KIRREL2: variants seen among roughly 807,000 people sequenced by gnomAD.
KIRREL2 encodes the protein kirre like nephrin family adhesion molecule 2.
KIRREL2 carries 56 observed loss-of-function variants against 73.4 expected under a neutral mutation model. The ratio of observed to expected loss-of-function variants is 0.76; its 90% CI spans 0.62 to 0.95. The LOEUF is 0.95. KIRREL2 is among the 40% of genes least tolerant of loss of function. The pLI, the probability that KIRREL2 is intolerant of heterozygous loss-of-function variation, is 0.00. For synonymous variants in KIRREL2, 407 were observed against 404.0 expected, an observed-to-expected ratio of 1.01 and a Z score of -0.09; for missense variants, 896 against 935.0, an observed-to-expected ratio of 0.96 and a Z score of 0.54.
chr19:35,859,013 C>A, intron 4 of KIRREL2, 149 bp downstream of exon 4: 1 of 893,858 alleles, frequency 1.1e-6, no homozygotes, highest in Non-Finnish European at 1.7e-6. Flanking sequence ...GGTAAAGATT[C>A]TAGGGCCAGA....
In KIRREL2 at chr19:35,860,987, G is replaced by A. The variant is rs1279746076; in HGVS notation, c.1007G>A (p.Arg336His). ...GACGCTTCCTTCAGCTGCGCCTGGC[G>A]CGGGAACCCGCTTCCACGGGTAACC... Reference protein sequence around the residue: ...GEDASFSCAWRGNPLPRVTWT... With the variant: ...GEDASFSCAWHGNPLPRVTWT... The change falls in exon 8 of 15, where the codon CGC becomes CAC. Residue 336 changes from arginine to histidine, a missense_variant. By Grantham distance (29) the Arg-to-His change is conservative. Transcript: ENST00000360202. 1.2e-6 allele frequency: 2 copies of A among 1,613,126 alleles called. No individual in the cohort carries two copies.
rs745362925 is a variant in KIRREL2, at chr19:35,864,645, C to T, written c.1726-3C>T. 1.2e-6 allele frequency: 2 copies of T among 1,612,076 alleles called. No homozygotes were observed. The highest frequency in any genetic ancestry group is 1.7e-5 in the Admixed American group (1 of 59,984). On this transcript the variant is annotated splice_polypyrimidine_tract_variant and splice_region_variant and intron_variant, in intron 13 of 14. Transcript: ENST00000360202. ...TTCCCTCTCACTAAGTTCCCTACCCCAGGGCCCCATTGTGCACACTGACCA... is the reference window on the plus strand; with the variant it reads ...TTCCCTCTCACTAAGTTCCCTACCCTAGGGCCCCATTGTGCACACTGACCA...
rs1312893257 is a variant in KIRREL2 at position 35,858,742 on chromosome 19, G to A, written c.400G>A (p.Val134Met). ...EAPQVLGGPS[V>M]SLVAGVPANL... ...CCCCCAGGTGCTGGGCGGCCCCTCT[G>A]TGTCTCTGGTTGCTGGAGTTCCTGC... The change falls in exon 4 of 15, where the codon GTG (valine) becomes ATG (methionine). Residue 134 changes from valine (V) to methionine (M), a missense_variant. Coordinates refer to ENST00000360202, the MANE Select transcript of KIRREL2 (RefSeq NM_199180.4). 1.2e-6 allele frequency: 2 copies of A among 1,614,206 alleles called. No individual in the cohort carries two copies. The highest frequency in any genetic ancestry group is 2.2e-5 in the South Asian group (2 of 91,082).
In KIRREL2 at chr19:35,866,816, T is replaced by C. The variant is rs1007659435; in HGVS notation, c.*324T>C. 6.4e-6 allele frequency: 3 copies of C among 468,998 alleles called. No homozygotes were observed. The highest frequency in any genetic ancestry group is 5.4e-4 in the Middle Eastern group (1 of 1,840). 29.1% of individuals were successfully genotyped at this position (468,998 alleles called of 1,614,324 possible). Reference sequence around the variant, plus strand: ...TTGGGGCCGGGATGGAAGTTGTTTCTAGCCACTGAAAGAAGATATTTCAAG... The same window carrying C: ...TTGGGGCCGGGATGGAAGTTGTTTCCAGCCACTGAAAGAAGATATTTCAAG... On this transcript the variant is annotated 3_prime_UTR_variant, in exon 15 of 15. Transcript: ENST00000360202.
rs773433368 is a variant in KIRREL2 at position 35,861,609 on chromosome 19, C to CT, written c.1259dup (p.Val421GlyfsTer16). 1.2e-5 allele frequency: 19 copies of CT among 1,613,724 alleles called. No homozygotes were observed. The highest frequency in any genetic ancestry group is 1.6e-5 in the Non-Finnish European group (19 of 1,179,882). On this transcript the variant is annotated frameshift_variant, in exon 10 of 15. Transcript: ENST00000360202. LOFTEE classifies it high-confidence loss of function. ...GAGGGGCCCTGCTCGCCTCCAGTGTCTGGTTTTCGCCTCTCCCGCCCCAGA... is the reference window on the plus strand; with the variant it reads ...GAGGGGCCCTGCTCGCCTCCAGTGTCTTGGTTTTCGCCTCTCCCGCCCCAGA...
chr19:35,860,437 G>A (rs1361643517), intron 6 of KIRREL2, 35 bp downstream of exon 6: 5 of 1,608,560 alleles, frequency 3.1e-6, no homozygotes, highest in Non-Finnish European at 4.2e-6. Flanking sequence ...CCAGCCCCAA[G>A]AGTGAGCTTG....
upstream of KIRREL2, among the ~76,000 whole-genome samples, chr19:35,853,461 C>T (rs960466488): frequency 1.7e-4 from 26 of 152,200 alleles, no homozygotes; most frequent in Non-Finnish European, 3.5e-4. Flanking sequence ...TCTCTTCTTT[C>T]CTTCTCCATG....
chr19:35,852,925 G>T (rs1290439132), upstream of KIRREL2, among the ~76,000 whole-genome samples: 1 of 152,098 alleles, frequency 6.6e-6, no homozygotes, highest in Non-Finnish European at 1.5e-5. Flanking sequence ...CTCCCAAGTA[G>T]CTGGTGCTAC....
At chr19:35,854,632 TTCTA>T (rs1973365445), upstream of KIRREL2, among the ~76,000 whole-genome samples, 1 of 152,192 alleles carries the variant, frequency 6.6e-6, no homozygotes, top group Admixed American at 6.5e-5. Context: ...TGATTTATCT[TTCTA>T]TCTTTCTCCA....
Position 35,862,575 on chromosome 19 carries a change from C to T in KIRREL2, c.1593C>T (p.Leu531=), listed in dbSNP as rs143969945. ...TLLMVITGVA[L]CCWRHSKASA... The stretch of plus-strand genomic sequence containing the variant: ...TTATGGTCATCACTGGGGTGGCCCT[C>T]TGCTGCTGGCGCCACAGCAAGGGTT... Residue 531 remains leucine (L), a synonymous_variant, in exon 12 of 15, where the codon CTC becomes CTT. Coordinates refer to ENST00000360202, the MANE Select transcript of KIRREL2 (RefSeq NM_199180.4). 81 of 1,608,444 alleles carry T rather than the reference C, an allele frequency of 5.0e-5. No homozygotes were observed. Among genetic ancestry groups the T allele is most frequent in the Non-Finnish European group, 6.5e-5 (77 of 1,179,794 alleles).
At chr19:35,851,665 C>G (rs750193555), upstream of KIRREL2, 2 of 1,612,662 alleles carry the variant, frequency 1.2e-6, no homozygotes, top group Non-Finnish European at 1.7e-6. Context: ...TCGCCAACTG[C>G]GCCAGGCCTG....
chr19:35,865,942 T>A (rs997189847), intron 14 of KIRREL2, among the ~76,000 whole-genome samples: 2 of 152,138 alleles, frequency 1.3e-5, no homozygotes, highest in Non-Finnish European at 2.9e-5. Context: ...CGTCTCTACC[T>A]TTCTCTGCCT....
At chr19:35,860,075 G>C (rs1007429814) in intron 5 of KIRREL2, among the ~76,000 whole-genome samples, 2 of 152,122 alleles carry the variant, frequency 1.3e-5, no homozygotes, top group Non-Finnish European at 2.9e-5. Flanking sequence ...AGAGAAAGCT[G>C]GGCCTTGACT....
Position 35,860,418 on chromosome 19 carries a change from C to A in KIRREL2, c.779+16C>A. The A allele has an allele frequency of 6.2e-7, 1 of 1,610,794 alleles. No homozygotes were observed. Among genetic ancestry groups the A allele is most frequent in the Non-Finnish European group, 8.5e-7 (1 of 1,179,594 alleles). ...CAGGCTACAGGTGAGGACGAAGACC[C>A]ACCTCTCCCCAGCCCCAAGAGTGAG... On this transcript the variant is annotated intron_variant, in intron 6 of 14. Coordinates refer to ENST00000360202, the MANE Select transcript of KIRREL2 (RefSeq NM_199180.4).
At chr19:35,856,630 TC>T, upstream of KIRREL2, 1 of 248,728 alleles carries the variant, frequency 4.0e-6, no homozygotes, top group South Asian at 4.2e-5. The surrounding 1 kb of genome is among the most constrained non-coding windows in gnomAD (Gnocchi z 5.9). Flanking sequence ...GCAAGTTTCT[TC>T]CACTCTCTCC....
In KIRREL2 at chr19:35,861,223, C is replaced by T. The variant is rs373762583; in HGVS notation, c.1158C>T (p.Gly386=). ...AGGCTGGGCTATCGGGCCTGCGGGG[C>T]GGCGCCGCGGAGGCTCGGCTGACTG... is the stretch of plus-strand genomic sequence containing the variant. ...RAEAGLSGLR[G]GAAEARLTVN... The change falls in exon 9 of 15, where the codon GGC becomes GGT. Residue 386 remains glycine, a synonymous_variant. Coordinates refer to ENST00000360202, the MANE Select transcript of KIRREL2 (RefSeq NM_199180.4). The T allele has an allele frequency of 1.2e-5, 18 of 1,535,224 alleles. No homozygotes were observed. Among genetic ancestry groups the T allele is most frequent in the Non-Finnish European group, 1.6e-5 (18 of 1,149,924 alleles).
upstream of KIRREL2, among the ~76,000 whole-genome samples, chr19:35,855,108 T>C (rs1451047825): frequency 6.6e-6 from 1 of 152,100 alleles, no homozygotes; most frequent in Non-Finnish European, 1.5e-5. Context: ...TCCTCGATGC[T>C]GGACTTCCAT....
In KIRREL2 at chr19:35,861,234, A is replaced by G; in HGVS notation, c.1169A>G (p.Glu390Gly). 6.5e-7 allele frequency: 1 copy of G among 1,533,652 alleles called. No individual in the cohort carries two copies. The highest frequency in any genetic ancestry group is 8.7e-7 in the Non-Finnish European group (1 of 1,149,822). Residue 390 changes from glutamate to glycine, a missense_variant, in exon 9 of 15, where the codon GAG (glutamate) becomes GGG (glycine). By Grantham distance (98) the Glu-to-Gly change is moderately conservative. Transcript: ENST00000360202. ...TCGGGCCTGCGGGGCGGCGCCGCGG[A>G]GGCTCGGCTGACTGTGAACGGTGAG... ...GLSGLRGGAA[E>G]ARLTVNAPPV... is the part of the protein sequence containing the mutation.
chr19:35,862,979 C>T lies in KIRREL2; in HGVS notation c.1668C>T (p.Ser556=). 1 of 1,593,346 alleles carries T rather than the reference C, an allele frequency of 6.3e-7. No individual in the cohort carries two copies. The highest frequency in any genetic ancestry group is 1.1e-5 in the South Asian group (1 of 87,316). The change falls in exon 13 of 15, where the codon AGC becomes AGT. Residue 556 remains serine, a synonymous_variant. Transcript: ENST00000360202. ...ACCTGATGCGAATCCCTGGCAGCAG[C>T]GACGGCTCCAGTTCACGAGGTCCTG... ...QKNLMRIPGS[S]DGSSSRGPEE... is the part of the protein sequence containing the mutation.
Sources: gnomAD v4.1 joint callset for allele counts (sites outside exome capture counted in the v4.1 genomes callset) on GRCh38, gnomAD v4.1.1 for gene constraint, Gnocchi (gnomAD v3.1) non-coding constraint, MANE v1.5 for transcripts, NCBI Gene and HGNC (gene_info 2026-07-23, HGNC 2026-07-21) for gene names.